The following LCP1 variants were observed in gnomAD, a reference collection of about 807,000 sequenced individuals.
LCP1 encodes the protein plastin-2.
Under a neutral mutation model 72.0 loss-of-function variants are expected in LCP1, and 23 were observed. The ratio of observed to expected loss-of-function variants is 0.32; its 90% CI spans 0.23 to 0.45. LCP1 has a LOEUF of 0.45. Among genes scored for constraint, LCP1 ranks in the 20% least tolerant of loss-of-function variants. The pLI, the probability that LCP1 is intolerant of heterozygous loss-of-function variation, is 1.00. For missense variants in LCP1, 571 were observed against 748.3 expected (o/e 0.76, Z 2.76); for synonymous variants, 245 against 275.4 (o/e 0.89, Z 1.09).
intron 1 of LCP1, among the ~76,000 whole-genome samples, chr13:46,161,507 C>CA (rs1185215662): frequency 6.6e-6 from 1 of 152,102 alleles, no homozygotes; most frequent in Non-Finnish European, 1.5e-5. Context: ...CCCTAAGAGA[C>CA]AGGCACTGGC....
chr13:46,158,005 G>A lies in LCP1; in HGVS notation c.358+517C>T, dbSNP rs568369318. 8.5e-5 allele frequency among the ~76,000 whole-genome samples: 13 copies of A among 152,244 alleles called. No individual in the cohort carries two copies. The South Asian group carries it at 2.5e-3, about 29-fold the overall frequency. On this transcript the variant is annotated intron_variant, in intron 4 of 15. Transcript: ENST00000323076. ...GCCTCCCAAAGTGCTGGGATTACAC[G>A]CGTGAGCCACTGTGCCCGGCCTCAT...
At chr13:46,138,464 C>G (rs2045678121) in intron 13 of LCP1, among the ~76,000 whole-genome samples, 1 of 152,168 alleles carries the variant, frequency 6.6e-6, no homozygotes, top group Non-Finnish European at 1.5e-5. Context: ...GTAGTAAACA[C>G]TCATGAGAAA....
chr13:46,137,689 C>T (rs2045673227), intron 13 of LCP1, among the ~76,000 whole-genome samples: 1 of 152,216 alleles, frequency 6.6e-6, no homozygotes, highest in African/African-American at 2.4e-5. Flanking sequence ...TATTATCAAA[C>T]CTGCTTTGGG....
intron 13 of LCP1, among the ~76,000 whole-genome samples, chr13:46,140,024 A>AT (rs2045687934): frequency 6.6e-6 from 1 of 152,166 alleles, no homozygotes; most frequent in Non-Finnish European, 1.5e-5. Flanking sequence ...TAGCCTTAAG[A>AT]TTTTTCCAGC....
chr13:46,134,636 TAAAGAA>T (rs1025445741), intron 13 of LCP1, among the ~76,000 whole-genome samples: 7 of 152,274 alleles, frequency 4.6e-5, no homozygotes, highest in African/African-American at 1.2e-4. Context: ...GCCTACATGA[TAAAGAA>T]AAAGTATAAA....
At chr13:46,150,066 T>C (rs1389877361) in intron 8 of LCP1, among the ~76,000 whole-genome samples, 1 of 152,226 alleles carries the variant, frequency 6.6e-6, no homozygotes, top group Non-Finnish European at 1.5e-5. Flanking sequence ...GCACGTCATA[T>C]AGCAGTGGGA....
chr13:46,177,706 A>C (rs1181595059), intron 1 of LCP1, among the ~76,000 whole-genome samples: 1 of 152,128 alleles, frequency 6.6e-6, no homozygotes, highest in African/African-American at 2.4e-5. Flanking sequence ...CTCAAAAAAC[A>C]AACAAACAAA....
Position 46,156,666 on chromosome 13 carries a change from G to C in LCP1, c.359-96C>G, listed in dbSNP as rs1013756631. The stretch of plus-strand genomic sequence containing the variant: ...ATCTTAAATTCTCATTCCCAGCAGA[G>C]AGATGTGAGTTTATTCAGTCCATTA... On this transcript the variant is annotated intron_variant, in intron 4 of 15. Coordinates refer to ENST00000323076, the MANE Select transcript of LCP1 (RefSeq NM_002298.5). The C allele has an allele frequency of 3.0e-6, 4 of 1,315,288 alleles. No homozygotes were observed. The African/African-American group carries it at 5.8e-5, about 19-fold the overall frequency. 81.5% of individuals were successfully genotyped at this position (1,315,288 alleles called of 1,614,324 possible). A position where few individuals can be genotyped will look rare whatever the true frequency, so the allele number is the denominator to read the frequency against.
chr13:46,150,874 A>G, intron 8 of LCP1, 62 bp downstream of exon 8: 3 of 1,538,930 alleles, frequency 1.9e-6, no homozygotes, highest in East Asian at 2.3e-5. Context: ...TCTTTTCTTT[A>G]TTATTGCCCA....
chr13:46,150,863 A>G (rs2045759219), intron 8 of LCP1, 73 bp downstream of exon 8: 1 of 1,506,268 alleles, frequency 6.6e-7, no homozygotes, highest in African/African-American at 1.4e-5. Context: ...CCAAATCTTT[A>G]TCTTTTCTTT....
chr13:46,158,902 C>A lies in LCP1; in HGVS notation c.152G>T (p.Arg51Leu), dbSNP rs2045820375. The change falls in exon 3 of 16, where the codon CGA becomes CTA. Residue 51 changes from arginine to leucine, a missense_variant. Arg to Leu is a moderately radical substitution (Grantham distance 102, BLOSUM62 -2). Coordinates refer to ENST00000323076, the MANE Select transcript of LCP1 (RefSeq NM_002298.5). The part of the protein sequence containing the change: ...ACLPLPGYRV[R>L]EITENLMATG... ...AGCCATCAGGTTTTCTGTAATTTCT[C>A]GTACTCTATACCCAGGCAAAGGCAA... The A allele has an allele frequency of 1.2e-6, 2 of 1,614,058 alleles. No individual in the cohort carries two copies. Among genetic ancestry groups the A allele is most frequent in the Non-Finnish European group, 1.7e-6 (2 of 1,180,030 alleles).
intron 1 of LCP1, among the ~76,000 whole-genome samples, chr13:46,181,163 T>C (rs1470221349): frequency 6.6e-6 from 1 of 152,236 alleles, no homozygotes; most frequent in African/African-American, 2.4e-5. Flanking sequence ...CAAGTTGCTG[T>C]GTAAAAGAAA....
intron 10 of LCP1, among the ~76,000 whole-genome samples, chr13:46,146,077 C>G (rs2045729074): frequency 6.6e-6 from 1 of 152,066 alleles, no homozygotes; most frequent in Non-Finnish European, 1.5e-5. Context: ...ATTCTAGAAG[C>G]AGCTGAAATG....
chr13:46,148,373 A>G lies in LCP1; in HGVS notation c.957T>C (p.Val319=). 1 of 1,613,350 alleles carries G rather than the reference A, an allele frequency of 6.2e-7. No individual in the cohort carries two copies. Among genetic ancestry groups the G allele is most frequent in the Non-Finnish European group, 8.5e-7 (1 of 1,179,628 alleles). ...TTACCCGCAGTCCTGACATGTCAATAACAACAGCAGGAACACCTTCTTCAT... is the reference window on the plus strand; with the variant it reads ...TTACCCGCAGTCCTGACATGTCAATGACAACAGCAGGAACACCTTCTTCAT... ...KGDEEGVPAV[V]IDMSGLREKD... Residue 319 remains valine (V), a synonymous_variant, in exon 9 of 16, where the codon GTT becomes GTC. Transcript: ENST00000323076.
chr13:46,140,507 A>G (rs915945610), intron 13 of LCP1, among the ~76,000 whole-genome samples: 1 of 152,228 alleles, frequency 6.6e-6, no homozygotes, highest in African/African-American at 2.4e-5. Context: ...ATCAAACTGT[A>G]TTTAAGTTAC....
Position 46,127,492 on chromosome 13 carries a change from C to A in LCP1, c.*99G>T. 6.8e-7 allele frequency: 1 copy of A among 1,460,056 alleles called. No individual in the cohort carries two copies. The highest frequency in any genetic ancestry group is 1.2e-5 in the South Asian group (1 of 80,388). The allele number at this position is 1,460,056 out of a possible 1,614,324, so 90.4% of individuals were successfully genotyped here. ...TGCTTTTTGGAATCTTATAGAGTGTCACCAAGTTGAACTTTGGAATGGCTT... is the reference window on the plus strand; with the variant it reads ...TGCTTTTTGGAATCTTATAGAGTGTAACCAAGTTGAACTTTGGAATGGCTT... On this transcript the variant is annotated 3_prime_UTR_variant, in exon 16 of 16. Transcript: ENST00000323076.
chr13:46,144,643 A>T, intron 10 of LCP1, 123 bp from the exon 11 acceptor site: 1 of 698,030 alleles, frequency 1.4e-6, no homozygotes, highest in South Asian at 1.6e-5. Flanking sequence ...AAATAAAATA[A>T]ACTGTATTGG....
chr13:46,133,506 G>T (rs1390248630), intron 14 of LCP1, among the ~76,000 whole-genome samples: 1 of 152,004 alleles, frequency 6.6e-6, no homozygotes, highest in Non-Finnish European at 1.5e-5. Flanking sequence ...TGCACCTGTA[G>T]TCCCAGCTCC....
At chr13:46,131,926 T>C (rs1460754800) in intron 14 of LCP1, among the ~76,000 whole-genome samples, 3 of 151,812 alleles carry the variant, frequency 2.0e-5, no homozygotes, top group East Asian at 1.9e-4. Context: ...TTTGGGTGAC[T>C]GGTTCAATGG....
Sources: allele counts gnomAD v4.1 joint callset (sites outside exome capture counted in the v4.1 genomes callset), GRCh38; gene constraint gnomAD v4.1.1; transcripts MANE v1.5; gene names NCBI Gene and HGNC (gene_info 2026-07-23, HGNC 2026-07-21).